ASXL2: variants seen among roughly 807,000 people sequenced by gnomAD.
The protein encoded by ASXL2 is putative Polycomb group protein ASXL2.
ASXL2 carries 23 observed loss-of-function variants against 122.0 expected under a neutral mutation model. The ratio of observed to expected loss-of-function variants is 0.19; its 90% confidence interval spans 0.14 to 0.27. ASXL2 has a LOEUF of 0.27. Among genes scored for constraint, ASXL2 ranks in the 10% least tolerant of loss-of-function variants. The pLI, the probability that ASXL2 is intolerant of heterozygous loss-of-function variation, is 1.00. For synonymous variants in ASXL2, 650 were observed against 637.0 expected (o/e 1.02, Z -0.31); for missense variants, 1,518 against 1,713.8 (o/e 0.89, Z 2.02).
At chr2:25,774,336 T>C (rs549841871) in intron 5 of ASXL2, among the ~76,000 whole-genome samples, 1 of 152,300 alleles carries the variant, frequency 6.6e-6, no homozygotes, top group East Asian at 1.9e-4. Flanking sequence ...TTTTTATATT[T>C]AAATTTTTTA....
At position 25,768,831 on chromosome 2, in the gene ASXL2, T is replaced by G. The variant is rs2088397938; in HGVS notation, c.542A>C (p.Gln181Pro). 3 of 1,613,558 alleles carry G rather than the reference T, an allele frequency of 1.9e-6. No individual in the cohort carries two copies. The highest frequency in any genetic ancestry group is 2.5e-6 in the Non-Finnish European group (3 of 1,179,584). Residue 181 changes from glutamine (Q) to proline (P), a missense_variant, in exon 7 of 13, where the codon CAA becomes CCA. Gln to Pro is a moderately conservative substitution (Grantham distance 76, BLOSUM62 -1). Around this residue, in one of 8 missense-constraint regions of ASXL2, gnomAD observed 198 missense variants for 209.0 expected, o/e 0.95. Coordinates refer to ENST00000435504, the MANE Select transcript of ASXL2 (RefSeq NM_018263.6). The stretch of plus-strand genomic sequence containing the variant: ...GGAGATGGATATGCTTGGCCTGCAT[T>G]GCTGCTGCTGCTTCTTCTGCTGTTG... Reference protein sequence around the residue: ...KQQQQKKQQQQCRPSISISSN... With the variant: ...KQQQQKKQQQPCRPSISISSN...
intron 5 of ASXL2, among the ~76,000 whole-genome samples, chr2:25,796,148 A>G (rs1382607337): frequency 6.6e-6 from 1 of 152,218 alleles, no homozygotes; most frequent in Non-Finnish European, 1.5e-5. Context: ...TCTCTCCAGG[A>G]GTAGCAAAAA....
At chr2:25,806,064 T>C (rs1269009686) in intron 4 of ASXL2, among the ~76,000 whole-genome samples, 165 bp downstream of exon 4, 1 of 152,152 alleles carries the variant, frequency 6.6e-6, no homozygotes. Context: ...CTATAGTTAG[T>C]TATAGATTAG....
Position 25,757,674 on chromosome 2 carries a change from CAAAAAAAAAAAAAAAA to C in ASXL2, c.940-1576_940-1561del, listed in dbSNP as rs60732948. Among the ~76,000 whole-genome samples the C allele has an allele frequency of 1.4e-4, 5 of 35,828 alleles. No individual in the cohort carries two copies. In the Admixed American group the frequency reaches 2.7e-3, roughly 19 times the overall value. 23.5% of individuals were successfully genotyped at this position (35,828 alleles called of 152,430 possible). A position where few individuals can be genotyped will look rare whatever the true frequency, so the allele number is the denominator to read the frequency against. ...CAGGCGACAGAGGGAGACTCCATCT[CAAAAAAAAAAAAAAAA>C]AAAAAAAAAAAGAATACCCCCCAGG... On this transcript the variant is annotated intron_variant, in intron 9 of 12. Transcript: ENST00000435504.
At chr2:25,859,909 G>A (rs1003758646) in intron 1 of ASXL2, among the ~76,000 whole-genome samples, 2 of 151,968 alleles carry the variant, frequency 1.3e-5, no homozygotes, top group Non-Finnish European at 2.9e-5. Flanking sequence ...TATTTTGCCG[G>A]GCACAGCGGC....
At chr2:25,763,989 A>G (rs974144349) in intron 8 of ASXL2, among the ~76,000 whole-genome samples, 9 of 152,208 alleles carry the variant, frequency 5.9e-5, no homozygotes, top group Non-Finnish European at 1.3e-4. Flanking sequence ...ACAACAAACC[A>G]AAAAAACTTC....
chr2:25,777,641 G>A (rs1227847516), intron 5 of ASXL2, among the ~76,000 whole-genome samples: 1 of 151,700 alleles, frequency 6.6e-6, no homozygotes, highest in Admixed American at 6.6e-5. Flanking sequence ...AGAAACTTCT[G>A]TCTTATAATT....
At chr2:25,797,327 C>T (rs930236668) in intron 5 of ASXL2, among the ~76,000 whole-genome samples, 4 of 152,128 alleles carry the variant, frequency 2.6e-5, no homozygotes, top group Admixed American at 2.0e-4. Flanking sequence ...CGCCTGTAAT[C>T]CCAGCTACTC....
intron 5 of ASXL2, among the ~76,000 whole-genome samples, chr2:25,782,231 C>T (rs1460108018): frequency 6.6e-6 from 1 of 152,030 alleles, no homozygotes; most frequent in East Asian, 1.9e-4. Flanking sequence ...ACTGCTTTCT[C>T]TTGCTTACCT....
At chr2:25,848,613 G>C (rs912155694) in intron 1 of ASXL2, among the ~76,000 whole-genome samples, 1 of 151,914 alleles carries the variant, frequency 6.6e-6, no homozygotes, top group Non-Finnish European at 1.5e-5. Context: ...ACAAGAGGAA[G>C]ACTCCATCTC....
At chr2:25,769,250 A>T (rs559360488) in intron 6 of ASXL2, among the ~76,000 whole-genome samples, 1 of 152,328 alleles carries the variant, frequency 6.6e-6, no homozygotes, top group South Asian at 2.1e-4. Flanking sequence ...TACGTTTTCA[A>T]TCATTTCTAG....
chr2:25,770,385 C>T (rs892257480), intron 6 of ASXL2, among the ~76,000 whole-genome samples: 1 of 152,060 alleles, frequency 6.6e-6, no homozygotes, highest in Non-Finnish European at 1.5e-5. Flanking sequence ...AGGTGATCCG[C>T]CTGCCTTGGC....
At chr2:25,855,289 T>A (rs2089763394) in intron 1 of ASXL2, among the ~76,000 whole-genome samples, 1 of 152,126 alleles carries the variant, frequency 6.6e-6, no homozygotes. Flanking sequence ...ACATCTGTAA[T>A]CCCAGCACTT....
At chr2:25,762,917 A>G (rs1559503896) in intron 8 of ASXL2, among the ~76,000 whole-genome samples, 1 of 152,156 alleles carries the variant, frequency 6.6e-6, no homozygotes, top group Admixed American at 6.5e-5. Context: ...GGCAAAAACT[A>G]ACCATAGGGG....
At chr2:25,758,126 T>G (rs2088173080) in intron 9 of ASXL2, among the ~76,000 whole-genome samples, 1 of 152,208 alleles carries the variant, frequency 6.6e-6, no homozygotes, top group Non-Finnish European at 1.5e-5. Flanking sequence ...CTCATTTATT[T>G]GGGCTCTCTG....
intron 5 of ASXL2, among the ~76,000 whole-genome samples, chr2:25,796,276 C>T (rs576862346): frequency 2.2e-4 from 33 of 152,282 alleles, no homozygotes; most frequent in Non-Finnish European, 4.3e-4. Flanking sequence ...GCTTCTAGCT[C>T]CAAAGACAAC....
rs543527503 is a variant in ASXL2, at chr2:25,737,325, AT to A, written c.*4703del. 1 of 151,970 alleles carries A rather than the reference AT, an allele frequency of 6.6e-6. No individual in the cohort carries two copies. 9.4% of individuals were successfully genotyped at this position (151,970 alleles called of 1,614,324 possible). A position where few individuals can be genotyped will look rare whatever the true frequency, so the allele number is the denominator to read the frequency against. On this transcript the variant is annotated 3_prime_UTR_variant, in exon 13 of 13. Transcript: ENST00000435504. ...AACCACTGTGGAGAAAGGAAAACCT[AT>A]TTTTTCCCCCGAGATATTTCCTTAC...
intron 1 of ASXL2, chr2:25,856,676 G>A: frequency 7.9e-7 from 1 of 1,273,772 alleles, no homozygotes; most frequent in African/African-American, 1.5e-5. Flanking sequence ...TCAACCCTCA[G>A]CCGTTAGAGT....
At chr2:25,770,277 C>T (rs755620401) in intron 6 of ASXL2, among the ~76,000 whole-genome samples, 3 of 151,968 alleles carry the variant, frequency 2.0e-5, no homozygotes, top group African/African-American at 7.3e-5. Context: ...GGCACGATCT[C>T]GGCTCACTGT....
Sources: allele counts gnomAD v4.1 joint callset (sites outside exome capture counted in the v4.1 genomes callset), GRCh38; gene constraint gnomAD v4.1.1; regional missense constraint gnomAD v4.1.1; transcripts MANE v1.5; gene names NCBI Gene and HGNC (gene_info 2026-07-23, HGNC 2026-07-21).